Variants in BLNK observed in about 807,000 individuals in gnomAD.
BLNK encodes the protein B cell linker.
A neutral mutation model predicts 73.5 loss-of-function variants in BLNK; 29 were observed. That is an observed-to-expected ratio of 0.39 (90% confidence interval 0.29 to 0.54). The LOEUF is 0.54. Among genes scored for constraint, BLNK ranks in the 20% least tolerant of loss-of-function variants. The pLI is 0.61. For missense variants in BLNK, 460 were observed against 562.8 expected (o/e 0.82, Z 1.85); for synonymous variants, 176 against 200.8 (o/e 0.88, Z 1.04).
rs189776031 is a variant in BLNK at position 96,248,575 on chromosome 10, T to G, written c.48-1526A>C. Among the ~76,000 whole-genome samples, 132 of 151,548 alleles carry G rather than the reference T, an allele frequency of 8.7e-4. No homozygotes were observed. In the Middle Eastern group the frequency reaches 0.017, roughly 20 times the overall value. On this transcript the variant is annotated intron_variant, in intron 1 of 16. Transcript: ENST00000224337. ...ATGACTTTTGACCCAGCAATTGGAC[T>G]GCTAAGAATTTGTCTTATGAAAATG...
rs918547258 is a variant in BLNK, at chr10:96,191,967, C to A, written c.*6G>T. 4 of 1,612,364 alleles carry A rather than the reference C, an allele frequency of 2.5e-6. No homozygotes were observed. The highest frequency in any genetic ancestry group is 3.4e-6 in the Non-Finnish European group (4 of 1,179,282). On this transcript the variant is annotated 3_prime_UTR_variant, in exon 17 of 17. Transcript: ENST00000224337. Reference sequence around the variant, plus strand: ...AAGCAATGGTATTGATCTTTTTTTTCCCCCTTTATGAAACTTTAACTGCAT... The same window carrying A: ...AAGCAATGGTATTGATCTTTTTTTTACCCCTTTATGAAACTTTAACTGCAT...
chr10:96,264,753 C>T (rs1843916656), intron 1 of BLNK, among the ~76,000 whole-genome samples: 1 of 152,148 alleles, frequency 6.6e-6, no homozygotes, highest in Admixed American at 6.5e-5. Flanking sequence ...CAGAAACTCT[C>T]CCAGCTCATG....
At chr10:96,241,415 T>C (rs1842875997) in intron 3 of BLNK, among the ~76,000 whole-genome samples, 1 of 152,240 alleles carries the variant, frequency 6.6e-6, no homozygotes, top group African/African-American at 2.4e-5. Context: ...AATATTTCAC[T>C]TGGCTCACCA....
intron 6 of BLNK, among the ~76,000 whole-genome samples, chr10:96,222,752 G>A (rs1461100742): frequency 6.6e-6 from 1 of 152,160 alleles, no homozygotes; most frequent in Non-Finnish European, 1.5e-5. Flanking sequence ...GTACATCCTG[G>A]CCCATGTCAC....
chr10:96,223,980 G>A lies in BLNK; in HGVS notation c.371C>T (p.Ser124Leu), dbSNP rs782616657. ...FARGEYIDNR[S>L]SQRHSPPFSK... is the part of the protein sequence containing the mutation. ...GAAGGGTGGGGAATGCCTCTGGCTT[G>A]ATCGATTGTCTTGAAAGGAACAAAC... is the stretch of plus-strand genomic sequence containing the variant. Residue 124 changes from serine to leucine, a missense_variant, in exon 6 of 17, where the codon TCA becomes TTA. Coordinates refer to ENST00000224337, the MANE Select transcript of BLNK (RefSeq NM_013314.4). 6.2e-7 allele frequency: 1 copy of A among 1,612,860 alleles called. No individual in the cohort carries two copies. The highest frequency in any genetic ancestry group is 1.1e-5 in the South Asian group (1 of 90,992).
intron 1 of BLNK, among the ~76,000 whole-genome samples, chr10:96,269,500 C>T (rs1294546989): frequency 2.0e-5 from 3 of 151,214 alleles, no homozygotes; most frequent in Non-Finnish European, 4.4e-5. Context: ...TGTCTTTCTG[C>T]CCTCTCTTTC....
intron 1 of BLNK, among the ~76,000 whole-genome samples, chr10:96,258,302 TCTC>T (rs1297565967): frequency 3.3e-5 from 5 of 152,042 alleles, no homozygotes; most frequent in African/African-American, 1.2e-4. Context: ...TTAGTGGCCT[TCTC>T]CTCCATTTCA....
At chr10:96,252,622 T>C (rs1554909490) in intron 1 of BLNK, among the ~76,000 whole-genome samples, 1 of 152,252 alleles carries the variant, frequency 6.6e-6, no homozygotes, top group African/African-American at 2.4e-5. Flanking sequence ...CTTTTCTCTG[T>C]ATGAATTCAG....
At chr10:96,232,588 A>G (rs782051706) in intron 3 of BLNK, among the ~76,000 whole-genome samples, 5 of 152,170 alleles carry the variant, frequency 3.3e-5, no homozygotes, top group Non-Finnish European at 7.3e-5. Context: ...TGGGAAAAAC[A>G]TGATAGGTGC....
At chr10:96,257,525 T>C (rs1843568461) in intron 1 of BLNK, among the ~76,000 whole-genome samples, 2 of 152,258 alleles carry the variant, frequency 1.3e-5, no homozygotes, top group South Asian at 4.1e-4. Flanking sequence ...TTGGCCATAC[T>C]GGGGCCTGAG....
At chr10:96,247,083 TA>T in intron 1 of BLNK, 34 bp from the exon 2 acceptor site, 1 of 1,492,052 alleles carries the variant, frequency 6.7e-7, no homozygotes, top group South Asian at 1.2e-5. Flanking sequence ...AAGATATTAA[TA>T]ACCAGTCTGA....
At chr10:96,216,609 C>G in intron 7 of BLNK, 44 bp downstream of exon 7, 1 of 1,534,042 alleles carries the variant, frequency 6.5e-7, no homozygotes, top group Non-Finnish European at 9.0e-7. Flanking sequence ...ACATCCTGAT[C>G]AACTGCTAAA....
intron 2 of BLNK, among the ~76,000 whole-genome samples, chr10:96,243,943 C>T (rs1554906947): frequency 1.3e-5 from 2 of 151,240 alleles, no homozygotes; most frequent in African/African-American, 4.9e-5. Context: ...ATATCATATC[C>T]TTCTATAGAA....
At chr10:96,239,088 A>G in intron 3 of BLNK, 1 of 398,650 alleles carries the variant, frequency 2.5e-6, no homozygotes, top group Non-Finnish European at 4.4e-6. Context: ...GTTGGGCCAC[A>G]CTTCTGCATT....
intron 1 of BLNK, among the ~76,000 whole-genome samples, chr10:96,248,618 G>A (rs1173677179): frequency 6.6e-6 from 1 of 152,208 alleles, no homozygotes; most frequent in Non-Finnish European, 1.5e-5. Context: ...AATGATATCA[G>A]TATATACATA....
chr10:96,189,596 T>C lies in BLNK; in HGVS notation c.*2377A>G, dbSNP rs1457007115. The C allele has an allele frequency of 2.9e-6, 2 of 688,128 alleles. No homozygotes were observed. The highest frequency in any genetic ancestry group is 5.4e-6 in the Non-Finnish European group (2 of 369,480). 42.6% of individuals were successfully genotyped at this position (688,128 alleles called of 1,614,324 possible). A position where few individuals can be genotyped will look rare whatever the true frequency, so the allele number is the denominator to read the frequency against. The stretch of plus-strand genomic sequence containing the variant: ...GTCCTTTTAATCTTGGTGTTGATGA[T>C]GGGTTTGAGTGTTTTCTATTCTGAT... On this transcript the variant is annotated 3_prime_UTR_variant, in exon 17 of 17. Transcript: ENST00000224337.
chr10:96,235,845 G>A (rs587647042), intron 3 of BLNK, among the ~76,000 whole-genome samples: 37 of 152,168 alleles, frequency 2.4e-4, no homozygotes, highest in African/African-American at 7.0e-4. Flanking sequence ...GAATGAATGC[G>A]CTGGGCTGGA....
At chr10:96,229,653 G>GGTGT (rs1554903558) in intron 4 of BLNK, among the ~76,000 whole-genome samples, 5 of 48,130 alleles carry the variant, frequency 1.0e-4, no homozygotes, top group Non-Finnish European at 1.7e-4. Flanking sequence ...TTTACATGTG[G>GGTGT]CTGTGTGTGT....
intron 8 of BLNK, 87 bp from the exon 9 acceptor site, chr10:96,209,994 G>T (rs367916303): frequency 1.5e-6 from 2 of 1,377,822 alleles, no homozygotes; most frequent in African/African-American, 1.4e-5. Flanking sequence ...GGCAGGCTCA[G>T]AAATATTTGC....
Sources: gnomAD v4.1 joint callset for allele counts (sites outside exome capture counted in the v4.1 genomes callset) on GRCh38, gnomAD v4.1.1 for gene constraint, MANE v1.5 for transcripts, NCBI Gene and HGNC (gene_info 2026-07-23, HGNC 2026-07-21) for gene names.